The following FER1L6 variants were observed in gnomAD, a reference collection of about 807,000 sequenced individuals.
FER1L6 encodes the protein fer-1-like protein 6.
Under a neutral mutation model 219.2 loss-of-function variants are expected in FER1L6, and 177 were observed. That is an observed-to-expected ratio of 0.81 (90% CI 0.71 to 0.91). FER1L6 has a LOEUF of 0.91. Ranked by LOEUF, FER1L6 falls within the 40% of genes least tolerant of loss-of-function variation. The probability of loss-of-function intolerance (pLI) is 0.00; values close to 1 mark genes in which losing one functional copy is unlikely to be tolerated. For missense variants in FER1L6, 2,153 were observed against 2,259.9 expected, an observed-to-expected ratio of 0.95 and a Z score of 0.96; for synonymous variants, 768 against 824.3, an observed-to-expected ratio of 0.93 and a Z score of 1.17.
intron 26 of FER1L6, among the ~76,000 whole-genome samples, chr8:124,065,506 A>T (rs1050340771): frequency 1.3e-4 from 20 of 152,080 alleles, no homozygotes; most frequent in Non-Finnish European, 2.6e-4. Context: ...ATGCATGGAC[A>T]TTTGCACGGG....
intron 1 of FER1L6, among the ~76,000 whole-genome samples, chr8:123,936,915 T>A (rs559078459): frequency 2.6e-5 from 4 of 152,312 alleles, no homozygotes; most frequent in African/African-American, 7.2e-5. Flanking sequence ...AAGAACATTT[T>A]TTTTTGTGAT....
At chr8:124,087,846 T>C (rs759523414) in intron 33 of FER1L6, among the ~76,000 whole-genome samples, 9 of 152,182 alleles carry the variant, frequency 5.9e-5, no homozygotes, top group Non-Finnish European at 1.2e-4. Flanking sequence ...TGTAGAGATA[T>C]TGCCTGGGTG....
At chr8:124,030,373 T>G (rs1489621229) in intron 18 of FER1L6, among the ~76,000 whole-genome samples, 1 of 152,102 alleles carries the variant, frequency 6.6e-6, no homozygotes, top group Non-Finnish European at 1.5e-5. Context: ...TTAAACATAT[T>G]CATGATGCTA....
At chr8:123,862,851 C>T (rs1403487503) in intron 1 of FER1L6, among the ~76,000 whole-genome samples, 2 of 139,206 alleles carry the variant, frequency 1.4e-5, no homozygotes, top group Non-Finnish European at 3.1e-5. Flanking sequence ...TTTATTGTGT[C>T]TATTTGATTC....
intron 1 of FER1L6, among the ~76,000 whole-genome samples, chr8:123,857,868 C>A (rs1188903056): frequency 6.6e-6 from 1 of 152,190 alleles, no homozygotes; most frequent in Non-Finnish European, 1.5e-5. Context: ...TTTATATGTT[C>A]ACGTCTGTTC....
At chr8:124,080,380 C>T (rs982932021) in intron 32 of FER1L6, among the ~76,000 whole-genome samples, 7 of 151,910 alleles carry the variant, frequency 4.6e-5, no homozygotes, top group South Asian at 2.1e-4. Flanking sequence ...TGCAGTGGCG[C>T]GATCTTGGCT....
chr8:123,871,710 G>A (rs913313319), intron 1 of FER1L6, among the ~76,000 whole-genome samples: 1 of 152,186 alleles, frequency 6.6e-6, no homozygotes, highest in Non-Finnish European at 1.5e-5. Flanking sequence ...CTCCTTAAGA[G>A]TGAAGTGTGC....
In FER1L6 at chr8:124,017,731, CTATT is replaced by C; in HGVS notation, c.2013+17_2013+20del. The C allele has an allele frequency of 6.2e-7, 1 of 1,602,408 alleles. No homozygotes were observed. The highest frequency in any genetic ancestry group is 1.1e-5 in the South Asian group (1 of 90,388). On this transcript the variant is annotated intron_variant, in intron 16 of 40. Coordinates refer to ENST00000522917, the MANE Select transcript of FER1L6 (RefSeq NM_001039112.2). Reference sequence around the variant, plus strand: ...CTGGCAGGAGCTGGTATGTGAAAATCTATTTATACTTTGTGGACAGAGTTAAAAA... The same window carrying C: ...CTGGCAGGAGCTGGTATGTGAAAATCTATACTTTGTGGACAGAGTTAAAAA...
At chr8:124,063,201 T>A (rs1820669329) in intron 25 of FER1L6, among the ~76,000 whole-genome samples, 1 of 152,208 alleles carries the variant, frequency 6.6e-6, no homozygotes, top group East Asian at 1.9e-4. Flanking sequence ...GATGTTAAAA[T>A]CCTGTAGATT....
At chr8:124,117,018 A>T (rs1394645830) in intron 39 of FER1L6, among the ~76,000 whole-genome samples, 1 of 152,178 alleles carries the variant, frequency 6.6e-6, no homozygotes, top group Non-Finnish European at 1.5e-5. Flanking sequence ...TTATGAAGAC[A>T]ATTATGGAAT....
At chr8:123,986,751 A>C (rs768260098) in intron 12 of FER1L6, among the ~76,000 whole-genome samples, 1 of 152,178 alleles carries the variant, frequency 6.6e-6, no homozygotes, top group Non-Finnish European at 1.5e-5. Context: ...TCCACCAGAT[A>C]AGTGAGAACA....
At chr8:123,889,758 C>A (rs987282168) in intron 1 of FER1L6, among the ~76,000 whole-genome samples, 2 of 151,776 alleles carry the variant, frequency 1.3e-5, no homozygotes, top group African/African-American at 4.8e-5. Context: ...AGAAAGGAAC[C>A]AGGAAGCAGA....
chr8:124,107,111 G>A (rs917530929), intron 39 of FER1L6, among the ~76,000 whole-genome samples: 2 of 151,796 alleles, frequency 1.3e-5, no homozygotes, highest in Admixed American at 6.6e-5. Flanking sequence ...ACCAAGCCCA[G>A]CTAATTTTTT....
At chr8:123,877,180 G>T (rs1817018928) in intron 1 of FER1L6, among the ~76,000 whole-genome samples, 1 of 152,202 alleles carries the variant, frequency 6.6e-6, no homozygotes, top group Admixed American at 6.5e-5. Context: ...TCACATGAAA[G>T]CACTTGGCAA....
chr8:123,951,743 CATAA>C (rs1432166133), intron 1 of FER1L6, among the ~76,000 whole-genome samples: 3 of 152,220 alleles, frequency 2.0e-5, no homozygotes, highest in African/African-American at 7.2e-5. Flanking sequence ...AATGATTTCA[CATAA>C]ATAAATTCTC....
At chr8:123,947,704 G>A (rs1280726658) in intron 1 of FER1L6, among the ~76,000 whole-genome samples, 1 of 152,172 alleles carries the variant, frequency 6.6e-6, no homozygotes, top group Non-Finnish European at 1.5e-5. Flanking sequence ...ATCTAATAAA[G>A]GAGAAGGATG....
At chr8:123,868,126 C>T (rs1816868238) in intron 1 of FER1L6, among the ~76,000 whole-genome samples, 1 of 150,964 alleles carries the variant, frequency 6.6e-6, no homozygotes, top group African/African-American at 2.4e-5. Context: ...CTCCTTCTCC[C>T]CTCATTTATT....
intron 33 of FER1L6, among the ~76,000 whole-genome samples, chr8:124,086,749 CT>C (rs996774257): frequency 3.8e-4 from 58 of 152,244 alleles, no homozygotes; most frequent in African/African-American, 1.3e-3. Context: ...TAAAAAACTT[CT>C]TTTAGCATTT....
In FER1L6 at chr8:124,094,989, A is replaced by C. The variant is rs754263550; in HGVS notation, c.4646A>C (p.His1549Pro). The C allele has an allele frequency of 2.8e-5, 45 of 1,614,050 alleles. No homozygotes were observed. Among genetic ancestry groups the C allele is most frequent in the Non-Finnish European group, 3.5e-5 (41 of 1,180,002 alleles). Residue 1549 changes from histidine (H) to proline (P), a missense_variant, in exon 35 of 41, where the codon CAC (histidine) becomes CCC (proline). His to Pro is a moderately conservative substitution (Grantham distance 77, BLOSUM62 -2). Coordinates refer to ENST00000522917, the MANE Select transcript of FER1L6 (RefSeq NM_001039112.2). ...PEVGCRLVPE[H>P]IETRPLYHKD... Reference sequence around the variant, plus strand: ...GTCGGGTGTAGGCTGGTTCCTGAACACATAGAAACTCGGCCACTGTACCAC... The same window carrying C: ...GTCGGGTGTAGGCTGGTTCCTGAACCCATAGAAACTCGGCCACTGTACCAC...
Sources: gnomAD v4.1 joint callset for allele counts (sites outside exome capture counted in the v4.1 genomes callset) on GRCh38, gnomAD v4.1.1 for gene constraint, MANE v1.5 for transcripts, NCBI Gene and HGNC (gene_info 2026-07-23, HGNC 2026-07-21) for gene names.